The following FBXW7 variants were observed in gnomAD, a reference collection of about 807,000 sequenced individuals.
FBXW7 encodes F-box and WD repeat domain containing 7.
A neutral mutation model predicts 86.3 loss-of-function variants in FBXW7; 11 were observed. That is an observed-to-expected ratio of 0.13 (90% CI 0.08 to 0.21). The LOEUF is 0.21. Among genes scored for constraint, FBXW7 ranks in the 10% least tolerant of loss-of-function variants. FBXW7 has a pLI of 1.00. For missense variants in FBXW7, 488 were observed against 847.4 expected (o/e 0.58, Z 5.27); for synonymous variants, 313 against 297.9 (o/e 1.05, Z -0.52).
chr4:152,387,246 C>T (rs900838079), intron 4 of FBXW7, among the ~76,000 whole-genome samples: 1 of 152,118 alleles, frequency 6.6e-6, no homozygotes, highest in Non-Finnish European at 1.5e-5. Context: ...ATTCAGGCAA[C>T]AAGTGACTTA....
At chr4:152,514,153 T>C (rs1346193871) in intron 2 of FBXW7, among the ~76,000 whole-genome samples, 2 of 152,152 alleles carry the variant, frequency 1.3e-5, no homozygotes, top group African/African-American at 4.8e-5. Flanking sequence ...TACCAGAAAA[T>C]TTAAATTTAA....
chr4:152,504,817 A>T (rs1172885603), intron 2 of FBXW7, among the ~76,000 whole-genome samples: 1 of 152,032 alleles, frequency 6.6e-6, no homozygotes, highest in African/African-American at 2.4e-5. Flanking sequence ...TAAAATAACA[A>T]TTTTTTTTAT....
At chr4:152,376,722 T>C (rs375799958) in intron 4 of FBXW7, among the ~76,000 whole-genome samples, 1 of 152,266 alleles carries the variant, frequency 6.6e-6, no homozygotes, top group South Asian at 2.1e-4. Context: ...TTGTCAAAAG[T>C]ACTAATTGAT....
At chr4:152,346,514 T>A (rs1006457833) in intron 6 of FBXW7, among the ~76,000 whole-genome samples, 3 of 152,220 alleles carry the variant, frequency 2.0e-5, no homozygotes, top group Admixed American at 2.0e-4. Flanking sequence ...TTTAATAGCA[T>A]TTTTAAATTG....
At chr4:152,513,950 C>G (rs992575117) in intron 2 of FBXW7, among the ~76,000 whole-genome samples, 1 of 152,160 alleles carries the variant, frequency 6.6e-6, no homozygotes, top group East Asian at 1.9e-4. Flanking sequence ...AGTCCAAATT[C>G]AGATGTCTTG....
At chr4:152,423,789 T>C (rs1739146255) in intron 2 of FBXW7, among the ~76,000 whole-genome samples, 1 of 152,070 alleles carries the variant, frequency 6.6e-6, no homozygotes, top group Non-Finnish European at 1.5e-5. Flanking sequence ...TAATCTATGG[T>C]GTTAAAAGTC....
intron 2 of FBXW7, among the ~76,000 whole-genome samples, chr4:152,496,596 C>T (rs1484652943): frequency 6.6e-6 from 1 of 150,892 alleles, no homozygotes; most frequent in Non-Finnish European, 1.5e-5. Flanking sequence ...CAAAATCACT[C>T]GAAACAGGGA....
rs11457603 is a variant in FBXW7, at chr4:152,445,910, T to TAAAAAAAA, written c.-119-33389_-119-33382dup. 2.0e-4 allele frequency among the ~76,000 whole-genome samples: 20 copies of TAAAAAAAA among 100,676 alleles called. 1 individual carries two copies. Among genetic ancestry groups the TAAAAAAAA allele is most frequent in the East Asian group, 2.8e-4 (1 of 3,534 alleles). 66.0% of individuals were successfully genotyped at this position (100,676 alleles called of 152,430 possible). ...GGGTGACACAGCAAGACTCTGTCTT[T>TAAAAAAAA]AAAAAAAAAAAAAAAAAAAAAAAAA... On this transcript the variant is annotated intron_variant, in intron 2 of 13. Transcript: ENST00000281708.
intron 2 of FBXW7, among the ~76,000 whole-genome samples, chr4:152,513,355 T>C (rs1312283152): frequency 6.6e-6 from 1 of 152,198 alleles, no homozygotes; most frequent in Non-Finnish European, 1.5e-5. Context: ...ATAAAAGCCA[T>C]TGAAGTTTCT....
At chr4:152,337,469 A>T (rs1219241931) in intron 7 of FBXW7, among the ~76,000 whole-genome samples, 5 of 152,012 alleles carry the variant, frequency 3.3e-5, no homozygotes, top group Admixed American at 3.3e-4. Flanking sequence ...TCATGAATAT[A>T]CCAAGATAAC....
chr4:152,422,596 T>TA (rs1235220251), intron 2 of FBXW7, among the ~76,000 whole-genome samples: 1 of 152,166 alleles, frequency 6.6e-6, no homozygotes, highest in Non-Finnish European at 1.5e-5. Context: ...TAATCTTTTT[T>TA]AAAAAACTAC....
chr4:152,332,804 G>C (rs2126551563), intron 7 of FBXW7, 85 bp from the exon 8 acceptor site: 1 of 630,894 alleles, frequency 1.6e-6, no homozygotes, highest in Non-Finnish European at 2.1e-6. Flanking sequence ...CACAGGATGA[G>C]ATACTTGATA....
At chr4:152,431,403 G>C (rs1579181686) in intron 2 of FBXW7, among the ~76,000 whole-genome samples, 1 of 152,092 alleles carries the variant, frequency 6.6e-6, no homozygotes, top group African/African-American at 2.4e-5. Context: ...AAGCTGATTT[G>C]TTAATATCAG....
At chr4:152,346,039 GAGTA>G in intron 6 of FBXW7, among the ~76,000 whole-genome samples, 1 of 151,992 alleles carries the variant, frequency 6.6e-6, no homozygotes, top group Non-Finnish European at 1.5e-5. Context: ...ACAAATAATT[GAGTA>G]AGTACTTAAT....
intron 4 of FBXW7, among the ~76,000 whole-genome samples, chr4:152,363,527 C>G (rs551004092): frequency 6.6e-6 from 1 of 152,214 alleles, no homozygotes; most frequent in South Asian, 2.1e-4. Context: ...ATGCACATGG[C>G]AATATTTTAA....
chr4:152,383,829 A>G (rs1735300961), intron 4 of FBXW7, among the ~76,000 whole-genome samples: 1 of 152,170 alleles, frequency 6.6e-6, no homozygotes, highest in Non-Finnish European at 1.5e-5. Context: ...ACCACAATTT[A>G]AAATGTAGTT....
At chr4:152,459,041 T>A (rs543101935) in intron 2 of FBXW7, among the ~76,000 whole-genome samples, 18 of 152,170 alleles carry the variant, frequency 1.2e-4, no homozygotes, top group Non-Finnish European at 7.4e-5. Flanking sequence ...CTACTTCCTC[T>A]CTGTATATTC....
intron 2 of FBXW7, among the ~76,000 whole-genome samples, chr4:152,433,660 C>T (rs889136197): frequency 2.6e-5 from 4 of 152,154 alleles, no homozygotes; most frequent in East Asian, 1.9e-4. Context: ...GTGACTGTTG[C>T]GCTCTACCTA....
chr4:152,490,147 A>G (rs139551853), intron 2 of FBXW7, among the ~76,000 whole-genome samples: 1 of 152,236 alleles, frequency 6.6e-6, no homozygotes, highest in Non-Finnish European at 1.5e-5. Context: ...ACAGAGTATA[A>G]CATACGTTAC....
Sources: allele counts gnomAD v4.1 joint callset (sites outside exome capture counted in the v4.1 genomes callset), GRCh38; gene constraint gnomAD v4.1.1; transcripts MANE v1.5; gene names NCBI Gene and HGNC (gene_info 2026-07-23, HGNC 2026-07-21).